The following NCLN variants were observed in gnomAD, a reference collection of about 807,000 sequenced individuals.
The protein encoded by NCLN is BOS complex subunit NCLN.
A neutral mutation model predicts 69.5 loss-of-function variants in NCLN; 34 were observed. That is an observed-to-expected ratio of 0.49 (90% CI 0.37 to 0.65). The LOEUF is 0.65. Among genes scored for constraint, NCLN ranks in the 30% least tolerant of loss-of-function variants. The pLI is 0.00. For synonymous variants in NCLN, 393 were observed against 358.3 expected (o/e 1.10, Z -1.09); for missense variants, 710 against 804.8 (o/e 0.88, Z 1.42).
At chr19:3,207,495 G>T (rs1277824933) in intron 14 of NCLN, 26 bp downstream of exon 14, 1 of 1,611,344 alleles carries the variant, frequency 6.2e-7, no homozygotes, top group Non-Finnish European at 8.5e-7. Context: ...GCTCAGGTGG[G>T]GCAGGGGCCG....
chr19:3,186,938 C>T (rs899961631), intron 1 of NCLN, among the ~76,000 whole-genome samples: 1 of 152,128 alleles, frequency 6.6e-6, no homozygotes, highest in Admixed American at 6.5e-5. Context: ...CTGACGCTCT[C>T]TGGTCCCAGT....
rs771630485 is a variant in NCLN at position 3,204,600 on chromosome 19, C to T, written c.1057C>T (p.Arg353Trp). The change falls in exon 9 of 15, where the codon CGG becomes TGG. Residue 353 changes from arginine (R) to tryptophan (W), a missense_variant. Transcript: ENST00000246117. The part of the protein sequence containing the change: ...TVAAHQFPEV[R>W]FSMVHKRINL... ...GGCCGCGCACCAGTTCCCTGAGGTACGGTTCTCCATGGTGCACAAGCGGAT... is the reference window on the plus strand; with the variant it reads ...GGCCGCGCACCAGTTCCCTGAGGTATGGTTCTCCATGGTGCACAAGCGGAT... The T allele has an allele frequency of 2.3e-5, 36 of 1,571,278 alleles. No homozygotes were observed. The highest frequency in any genetic ancestry group is 2.8e-5 in the Non-Finnish European group (32 of 1,158,908).
intron 8 of NCLN, among the ~76,000 whole-genome samples, 155 bp from the exon 9 acceptor site, chr19:3,204,418 G>A (rs764877127): frequency 6.6e-6 from 1 of 152,108 alleles, no homozygotes; most frequent in Non-Finnish European, 1.5e-5. Context: ...TGCCCGCCGG[G>A]GCTCCAGCAG....
chr19:3,201,734 A>T lies in NCLN; in HGVS notation c.800+108A>T, dbSNP rs1478655517. ...GTTTCTCTGGAGCCTCCTGGCCCCA[A>T]AGTGGGCCTGAGCCCAGGAATTGGG... On this transcript the variant is annotated intron_variant, in intron 6 of 14. Coordinates refer to ENST00000246117, the MANE Select transcript of NCLN (RefSeq NM_020170.4). 4 of 952,148 alleles carry T rather than the reference A, an allele frequency of 4.2e-6. No individual in the cohort carries two copies. In the African/African-American group the frequency reaches 6.7e-5, roughly 16 times the overall value. The allele number at this position is 952,148 out of a possible 1,614,324, so 59.0% of individuals were successfully genotyped here.
chr19:3,203,992 C>G lies in NCLN; in HGVS notation c.890-13C>G, dbSNP rs767644630. On this transcript the variant is annotated splice_polypyrimidine_tract_variant and intron_variant, in intron 7 of 14. Transcript: ENST00000246117. ...GGTCCCCACCCACCCCGCCAGCTCT[C>G]GGTGTCCTGCAGACTCCAGCCTGCT... The G allele has an allele frequency of 6.4e-7, 1 of 1,557,702 alleles. No individual in the cohort carries two copies. Among genetic ancestry groups the G allele is most frequent in the East Asian group, 2.4e-5 (1 of 41,882 alleles).
chr19:3,190,780 G>A (rs1253000004), intron 1 of NCLN, among the ~76,000 whole-genome samples: 5 of 152,102 alleles, frequency 3.3e-5, no homozygotes, highest in African/African-American at 1.2e-4. Context: ...CCTGCGTCAG[G>A]TCTGCTTGCG....
In NCLN at chr19:3,206,118, C is replaced by G. The variant is rs899630932; in HGVS notation, c.1297-34C>G. ...CTGGCCCCAGCCCCACTGCAGGGGC[C>G]TGGACTCAGGGCCATCCCCTCCTCT... is the stretch of plus-strand genomic sequence containing the variant. On this transcript the variant is annotated intron_variant, in intron 10 of 14. Coordinates refer to ENST00000246117, the MANE Select transcript of NCLN (RefSeq NM_020170.4). 6 of 1,552,784 alleles carry G rather than the reference C, an allele frequency of 3.9e-6. No individual in the cohort carries two copies. In the African/African-American group the frequency reaches 8.2e-5, roughly 21 times the overall value.
rs1156383895 is a variant in NCLN at position 3,204,703 on chromosome 19, AC to A, written c.1162del (p.Leu388TrpfsTer24). ...IRRLPAFTLS[H>X]LESHRDGQRS... The stretch of plus-strand genomic sequence containing the variant: ...CGACTGCCCGCCTTCACGCTGTCCC[AC>A]CTGGAGAGCCACCGTGACGGCCAGC... On this transcript the variant is annotated frameshift_variant, in exon 9 of 15. Transcript: ENST00000246117. LOFTEE classifies it high-confidence loss of function. 2 of 1,594,888 alleles carry A rather than the reference AC, an allele frequency of 1.3e-6. No individual in the cohort carries two copies. The highest frequency in any genetic ancestry group is 1.7e-6 in the Non-Finnish European group (2 of 1,170,408).
intron 7 of NCLN, 49 bp from the exon 8 acceptor site, chr19:3,203,956 G>C (rs1203702898): frequency 6.5e-7 from 1 of 1,546,064 alleles, no homozygotes; most frequent in East Asian, 2.4e-5. Flanking sequence ...GAGGGCCGGG[G>C]GCCACTTCCT....
intron 1 of NCLN, among the ~76,000 whole-genome samples, chr19:3,191,471 C>T (rs551626260): frequency 6.6e-6 from 1 of 152,322 alleles, no homozygotes; most frequent in South Asian, 2.1e-4. Context: ...ACCCCAGCCC[C>T]TGGATTTCTA....
At chr19:3,203,978 AC>A in intron 7 of NCLN, 26 bp from the exon 8 acceptor site, 1 of 1,519,268 alleles carries the variant, frequency 6.6e-7, no homozygotes, top group Non-Finnish European at 8.8e-7. Flanking sequence ...GTCCCCACCC[AC>A]CCCGCCAGCT....
intron 12 of NCLN, 55 bp downstream of exon 12, chr19:3,206,480 C>A (rs1306552632): frequency 1.3e-6 from 2 of 1,502,934 alleles, no homozygotes; most frequent in Non-Finnish European, 1.8e-6. Flanking sequence ...GGGGGACCTC[C>A]CCCTACTGCA....
At chr19:3,197,163 G>A (rs978516215) in intron 4 of NCLN, among the ~76,000 whole-genome samples, 27 of 152,234 alleles carry the variant, frequency 1.8e-4, no homozygotes, top group Non-Finnish European at 2.9e-5. Context: ...GCGCCAGTTA[G>A]TGTGCAGTGA....
chr19:3,186,021 G>A lies in NCLN; in HGVS notation c.-10G>A. The A allele has an allele frequency of 6.5e-7, 1 of 1,540,440 alleles. No individual in the cohort carries two copies. The stretch of plus-strand genomic sequence containing the variant: ...AGCTGCCGCCCCGCGCGGCCCCGCC[G>A]CCGGCCAGGATGCTGGAGGAAGCGG... On this transcript the variant is annotated 5_prime_UTR_variant, in exon 1 of 15. Transcript: ENST00000246117.
chr19:3,186,256 C>G, intron 1 of NCLN, 42 bp downstream of exon 1: 1 of 1,419,206 alleles, frequency 7.0e-7, no homozygotes, highest in Middle Eastern at 2.0e-4. Context: ...CCGGGCTCCC[C>G]GGCCACGCCA....
At chr19:3,186,319 A>G (rs952795551) in intron 1 of NCLN, 105 bp downstream of exon 1, 1 of 1,262,054 alleles carries the variant, frequency 7.9e-7, no homozygotes, top group Non-Finnish European at 1.0e-6. Flanking sequence ...GGGCTGCCCG[A>G]CCCATGCTCA....
Position 3,207,460 on chromosome 19 carries a change from G to C in NCLN, c.1623G>C (p.Val541=). Residue 541 remains valine, a synonymous_variant, in exon 14 of 15, where the codon GTG becomes GTC. Transcript: ENST00000246117. The part of the protein sequence containing the change: ...GIAAYLGMAY[V]AVQHFSLLYK... ...CTGCCTACCTCGGCATGGCCTACGT[G>C]GCTGTCCAGGTGAGCAGTGCCCAGG... 1.9e-6 allele frequency: 3 copies of C among 1,612,898 alleles called. No individual in the cohort carries two copies. The highest frequency in any genetic ancestry group is 2.5e-6 in the Non-Finnish European group (3 of 1,179,998).
chr19:3,201,736 G>A (rs2304250), intron 6 of NCLN, 110 bp downstream of exon 6: 108,494 of 927,404 alleles, frequency 0.12, 6,777 homozygotes, highest in East Asian at 0.25. Context: ...TGGCCCCAAA[G>A]TGGGCCTGAG....
Position 3,207,363 on chromosome 19 carries a change from G to C in NCLN, c.1554-28G>C, listed in dbSNP as rs764660522. The stretch of plus-strand genomic sequence containing the variant: ...CATGTTACTGCCGCGCACCATCCTC[G>C]ACCTCAGGGACCCTGCTTTCTCCAC... On this transcript the variant is annotated intron_variant, in intron 13 of 14. Transcript: ENST00000246117. 6.8e-6 allele frequency: 11 copies of C among 1,612,956 alleles called. No individual in the cohort carries two copies. The Admixed American group carries it at 1.7e-4, about 24-fold the overall frequency.
Sources: gnomAD v4.1 joint callset for allele counts (sites outside exome capture counted in the v4.1 genomes callset) on GRCh38, gnomAD v4.1.1 for gene constraint, MANE v1.5 for transcripts, NCBI Gene and HGNC (gene_info 2026-07-23, HGNC 2026-07-21) for gene names.